Variants in SMIM19 observed in about 807,000 individuals in gnomAD.
SMIM19 encodes UPF0697 protein C8orf40.
In SMIM19, 6 loss-of-function variants were observed where a neutral mutation model predicts 13.2. That is an observed-to-expected ratio of 0.45 (90% CI 0.25 to 0.90). The LOEUF (loss-of-function observed/expected upper bound fraction) is 0.90. Among genes scored for constraint, SMIM19 ranks in the 40% least tolerant of loss-of-function variants. The probability of loss-of-function intolerance (pLI) is 0.19; values close to 1 mark genes in which losing one functional copy is unlikely to be tolerated. For synonymous variants in SMIM19, 46 were observed against 43.1 expected, an observed-to-expected ratio of 1.07 and a Z score of -0.27; for missense variants, 138 against 131.0, an observed-to-expected ratio of 1.05 and a Z score of -0.26.
At position 42,548,678 on chromosome 8, in the gene SMIM19, A is replaced by C. The variant is rs750356937; in HGVS notation, c.157A>C (p.Ile53Leu). Reference protein sequence around the residue: ...AKRNKRRIMRIFSVPPTEETL... With the variant: ...AKRNKRRIMRLFSVPPTEETL... The stretch of plus-strand genomic sequence containing the variant: ...TAGGAACAAAAGGAGAATTATGAGG[A>C]TATTCAGTGTGCCACCTACAGAGGA... The change falls in exon 3 of 4, where the codon ATA (isoleucine) becomes CTA (leucine). Residue 53 changes from isoleucine (I) to leucine (L), a missense_variant. Physicochemically the swap from Ile to Leu is conservative, Grantham distance 5. Coordinates refer to ENST00000417410, the MANE Select transcript of SMIM19 (RefSeq NM_001135674.2). 8 of 1,613,752 alleles carry C rather than the reference A, an allele frequency of 5.0e-6. No individual in the cohort carries two copies. Among genetic ancestry groups the C allele is most frequent in the African/African-American group, 4.0e-5 (3 of 74,918 alleles).
chr8:42,543,982 T>C (rs1211559689), intron 1 of SMIM19, among the ~76,000 whole-genome samples: 1 of 152,202 alleles, frequency 6.6e-6, no homozygotes, highest in African/African-American at 2.4e-5. Flanking sequence ...CCATAAATTA[T>C]AAAGACAGTT....
At chr8:42,548,265 T>C in intron 2 of SMIM19, 1 of 376,298 alleles carries the variant, frequency 2.7e-6, no homozygotes, top group South Asian at 2.0e-5. Context: ...TTTCCAAAAT[T>C]AGGATCTGCT....
chr8:42,550,974 T>G (rs1021977546), intron 3 of SMIM19, among the ~76,000 whole-genome samples: 5 of 152,188 alleles, frequency 3.3e-5, no homozygotes, highest in Non-Finnish European at 7.3e-5. Context: ...AATCTGGATC[T>G]ACCCTGAGTA....
intron 1 of SMIM19, among the ~76,000 whole-genome samples, chr8:42,543,790 G>A (rs1269879442): frequency 1.3e-5 from 2 of 152,162 alleles, no homozygotes; most frequent in African/African-American, 4.8e-5. Context: ...GTGCTGTATG[G>A]TTCCCCGTTT....
At position 42,548,660 on chromosome 8, in the gene SMIM19, A is replaced by T. The variant is rs1813565713; in HGVS notation, c.139A>T (p.Lys47Ter). 1 of 1,613,514 alleles carries T rather than the reference A, an allele frequency of 6.2e-7. No homozygotes were observed. The highest frequency in any genetic ancestry group is 8.5e-7 in the Non-Finnish European group (1 of 1,179,800). ...CTGCATGGATTTTGTGTTTAGGAAC[A>T]AAAGGAGAATTATGAGGATATTCAG... ...FGLFMYAKRN[K>*]RRIMRIFSVP... The change falls in exon 3 of 4, where the codon AAA becomes TAA. Residue 47 changes from lysine (K) to a stop codon, truncating the protein, a stop_gained. Coordinates refer to ENST00000417410, the MANE Select transcript of SMIM19 (RefSeq NM_001135674.2). LOFTEE classifies it high-confidence loss of function.
chr8:42,544,518 T>C (rs1813412807), intron 1 of SMIM19, among the ~76,000 whole-genome samples: 1 of 32,402 alleles, frequency 3.1e-5, no homozygotes, highest in Admixed American at 2.6e-4. Flanking sequence ...TAGTCTAGTG[T>C]TTAAACAATA....
chr8:42,549,692 T>G (rs1813603224), intron 3 of SMIM19, among the ~76,000 whole-genome samples: 1 of 152,136 alleles, frequency 6.6e-6, no homozygotes, highest in Admixed American at 6.6e-5. Flanking sequence ...GTAATGCCAC[T>G]GAACTGTACA....
rs1361765768 is a variant in SMIM19 at position 42,541,852 on chromosome 8, C to T, written c.-526C>T. ...TCGGTCCCGTGCGGTCCCCGAAACT[C>T]CGAGCACCCGCCCGGTCCCGGCGCG... is the stretch of plus-strand genomic sequence containing the variant. On this transcript the variant is annotated 5_prime_UTR_variant, in exon 1 of 4. Transcript: ENST00000417410. The T allele has an allele frequency of 6.6e-6, 1 of 151,634 alleles. No homozygotes were observed. Among genetic ancestry groups the T allele is most frequent in the African/African-American group, 2.4e-5 (1 of 41,356 alleles). 9.4% of individuals were successfully genotyped at this position (151,634 alleles called of 1,614,324 possible).
chr8:42,548,839 A>T, intron 3 of SMIM19, 59 bp downstream of exon 3: 1 of 1,509,436 alleles, frequency 6.6e-7, no homozygotes, highest in Non-Finnish European at 8.9e-7. Context: ...ATTTTCTGGA[A>T]TTGAGTTCAT....
At position 42,552,660 on chromosome 8, in the gene SMIM19, C is replaced by A; in HGVS notation, c.*52C>A. Reference sequence around the variant, plus strand: ...AATTGTTTCAAGCTCCTGATTCTTTCTACTAAATCATGAACAGCTTTAAAA... The same window carrying A: ...AATTGTTTCAAGCTCCTGATTCTTTATACTAAATCATGAACAGCTTTAAAA... On this transcript the variant is annotated 3_prime_UTR_variant, in exon 4 of 4. Transcript: ENST00000417410. The A allele has an allele frequency of 1.9e-6, 3 of 1,563,318 alleles. No individual in the cohort carries two copies. Among genetic ancestry groups the A allele is most frequent in the Non-Finnish European group, 2.6e-6 (3 of 1,138,518 alleles).
chr8:42,551,121 A>G (rs1813660504), intron 3 of SMIM19, among the ~76,000 whole-genome samples: 1 of 152,042 alleles, frequency 6.6e-6, no homozygotes, highest in South Asian at 2.1e-4. Flanking sequence ...GATCGAGACC[A>G]TCCTGGCTAA....
Position 42,555,185 on chromosome 8 carries a change from G to C in SMIM19, c.*2577G>C, listed in dbSNP as rs750942028. ...TTAACCTAGAAAATAAAGGGAGAAG[G>C]AATAAAAGAACGTGGTATAGAGCCA... On this transcript the variant is annotated 3_prime_UTR_variant, in exon 4 of 4. Transcript: ENST00000417410. 6.6e-6 allele frequency: 1 copy of C among 152,350 alleles called. No homozygotes were observed. The highest frequency in any genetic ancestry group is 1.5e-5 in the Non-Finnish European group (1 of 68,026). 9.4% of individuals were successfully genotyped at this position (152,350 alleles called of 1,614,324 possible). A position where few individuals can be genotyped will look rare whatever the true frequency, so the allele number is the denominator to read the frequency against.
chr8:42,543,536 C>T (rs769938674), intron 1 of SMIM19, among the ~76,000 whole-genome samples: 1 of 152,094 alleles, frequency 6.6e-6, no homozygotes, highest in Non-Finnish European at 1.5e-5. Flanking sequence ...AAAATTTTAC[C>T]GTTCTATGTC....
At position 42,553,922 on chromosome 8, in the gene SMIM19, C is replaced by G. The variant is rs1230969529; in HGVS notation, c.*1314C>G. On this transcript the variant is annotated 3_prime_UTR_variant, in exon 4 of 4. Transcript: ENST00000417410. ...GCTCGAATCTGAGAGGTGGAGGTTG[C>G]AATGAGCCAAGATCACACCACTGCA... 1 of 149,978 alleles carries G rather than the reference C, an allele frequency of 6.7e-6. No individual in the cohort carries two copies. The highest frequency in any genetic ancestry group is 2.5e-5 in the African/African-American group (1 of 40,596). 9.3% of individuals were successfully genotyped at this position (149,978 alleles called of 1,614,324 possible).
At position 42,552,978 on chromosome 8, in the gene SMIM19, T is replaced by C. The variant is rs1813719079; in HGVS notation, c.*370T>C. On this transcript the variant is annotated 3_prime_UTR_variant, in exon 4 of 4. Transcript: ENST00000417410. ...AAAATGCAAGTTATTATTTCAATAA[T>C]AACTTCCTGTTTCATTGTATTCTGT... The C allele has an allele frequency of 5.7e-6, 1 of 175,726 alleles. No homozygotes were observed. The highest frequency in any genetic ancestry group is 2.4e-5 in the African/African-American group (1 of 42,190). 10.9% of individuals were successfully genotyped at this position (175,726 alleles called of 1,614,324 possible). A position where few individuals can be genotyped will look rare whatever the true frequency, so the allele number is the denominator to read the frequency against.
rs576065906 is a variant in SMIM19, at chr8:42,542,662, T to C, written c.-5+289T>C. Among the ~76,000 whole-genome samples the C allele has an allele frequency of 3.3e-5, 5 of 152,092 alleles. No individual in the cohort carries two copies. The East Asian group carries it at 9.7e-4, about 29-fold the overall frequency. ...GCTTATGATACAGTGACCTAGTCCC[T>C]AGAAAAAGTAGTTCTCGGCTGGGCA... On this transcript the variant is annotated intron_variant, in intron 1 of 3. Coordinates refer to ENST00000417410, the MANE Select transcript of SMIM19 (RefSeq NM_001135674.2).
At chr8:42,545,389 C>T (rs1813443815) in intron 1 of SMIM19, among the ~76,000 whole-genome samples, 1 of 152,166 alleles carries the variant, frequency 6.6e-6, no homozygotes, top group South Asian at 2.1e-4. Context: ...CCAAATTTGT[C>T]CAGCAGGCCA....
At chr8:42,546,098 G>C (rs1454203327) in intron 1 of SMIM19, among the ~76,000 whole-genome samples, 2 of 152,186 alleles carry the variant, frequency 1.3e-5, no homozygotes, top group African/African-American at 4.8e-5. Context: ...AAATGGCATA[G>C]TATTGCATAT....
chr8:42,542,292 G>C lies in SMIM19; in HGVS notation c.-86G>C, dbSNP rs35794418. 0.072 allele frequency: 17,134 copies of C among 237,234 alleles called. 746 individuals are homozygous for C. The highest frequency in any genetic ancestry group is 0.11 in the Middle Eastern group (50 of 456). 14.7% of individuals were successfully genotyped at this position (237,234 alleles called of 1,614,324 possible). ...AGCTTTAGTGCCGCCCAGCAGGGTTGTTGGGATAATTCAGTGACTCTGTGG... is the reference window on the plus strand; with the variant it reads ...AGCTTTAGTGCCGCCCAGCAGGGTTCTTGGGATAATTCAGTGACTCTGTGG... On this transcript the variant is annotated 5_prime_UTR_variant, in exon 1 of 4. Transcript: ENST00000417410.
Sources: gnomAD v4.1 joint callset for allele counts (sites outside exome capture counted in the v4.1 genomes callset) on GRCh38, gnomAD v4.1.1 for gene constraint, MANE v1.5 for transcripts, NCBI Gene and HGNC (gene_info 2026-07-23, HGNC 2026-07-21) for gene names.